The following DDX49 variants were observed in gnomAD, a reference collection of about 807,000 sequenced individuals.
The protein encoded by DDX49 is probable ATP-dependent RNA helicase DDX49.
In DDX49, 50 loss-of-function variants were observed where a neutral mutation model predicts 56.3. The ratio of observed to expected loss-of-function variants is 0.89; its 90% confidence interval spans 0.71 to 1.12. DDX49 has a LOEUF of 1.12. DDX49 is among the 50% of genes most tolerant of loss of function. The pLI is 0.00. For synonymous variants in DDX49, 269 were observed against 270.6 expected (o/e 0.99, Z 0.06); for missense variants, 614 against 650.5 (o/e 0.94, Z 0.61).
rs916625440 is a variant in DDX49, at chr19:18,928,538, C to T, written c.*222C>T. The stretch of plus-strand genomic sequence containing the variant: ...ATTCAGGCTGCAGGGGAAGAAAGAA[C>T]ATGACCGGGAGGTTGTGACCCCAAC... On this transcript the variant is annotated 3_prime_UTR_variant, in exon 13 of 13. Coordinates refer to ENST00000247003, the MANE Select transcript of DDX49 (RefSeq NM_019070.5). The T allele has an allele frequency of 3.6e-5, 20 of 552,140 alleles. No individual in the cohort carries two copies. Among genetic ancestry groups the T allele is most frequent in the Admixed American group, 1.1e-4 (3 of 27,662 alleles). The allele number at this position is 552,140 out of a possible 1,614,324, so 34.2% of individuals were successfully genotyped here. A position where few individuals can be genotyped will look rare whatever the true frequency, so the allele number is the denominator to read the frequency against.
rs562469064 is a variant in DDX49 at position 18,921,914 on chromosome 19, G to A, written c.397G>A (p.Asp133Asn). 5.7e-5 allele frequency: 92 copies of A among 1,613,886 alleles called. 1 individual carries two copies. In the Middle Eastern group the frequency reaches 6.6e-4, roughly 12 times the overall value. ...VVIATPGRLADHLRSSNTFSI... is the reference protein window; with the variant it reads ...VVIATPGRLANHLRSSNTFSI... Reference sequence around the variant, plus strand: ...CATCGCCACGCCGGGGCGCCTGGCAGATCACCTGCGCAGCTCCAACACTTT... The same window carrying A: ...CATCGCCACGCCGGGGCGCCTGGCAAATCACCTGCGCAGCTCCAACACTTT... The change falls in exon 4 of 13, where the codon GAT becomes AAT. Residue 133 changes from aspartate (D) to asparagine (N), a missense_variant. By Grantham distance (23) the Asp-to-Asn change is conservative. Transcript: ENST00000247003.
Position 18,927,781 on chromosome 19 carries a change from A to T in DDX49, c.1118A>T (p.Glu373Val), listed in dbSNP as rs1157249074. The change falls in exon 11 of 13, where the codon GAG becomes GTG. Residue 373 changes from glutamate (E) to valine (V), a missense_variant. By Grantham distance (121) the Glu-to-Val change is moderately radical. Coordinates refer to ENST00000247003, the MANE Select transcript of DDX49 (RefSeq NM_019070.5). ...IEEQIKKKLE[E>V]FSVEEAEVLQ... ...GTCCCCACAGAGAAGAAGCTGGAGG[A>T]GTTCTCCGTGGAAGAGGCCGAGGTG... 2 of 1,613,430 alleles carry T rather than the reference A, an allele frequency of 1.2e-6. No individual in the cohort carries two copies. The highest frequency in any genetic ancestry group is 1.7e-6 in the Non-Finnish European group (2 of 1,179,754).
At position 18,919,761 on chromosome 19, in the gene DDX49, TCGGG is replaced by T. The variant is rs777427855; in HGVS notation, c.22_25del (p.Gly8CysfsTer14). ...ACAAGGATGGCAGGCTTCGCGGAGC[TCGGG>T]CTGTCATCGTGGCTCGTGGAACAAT... On this transcript the variant is annotated frameshift_variant, in exon 1 of 13. Coordinates refer to ENST00000247003, the MANE Select transcript of DDX49 (RefSeq NM_019070.5). LOFTEE classifies it high-confidence loss of function. 1 of 1,610,686 alleles carries T rather than the reference TCGGG, an allele frequency of 6.2e-7. No individual in the cohort carries two copies. Among genetic ancestry groups the T allele is most frequent in the Non-Finnish European group, 8.5e-7 (1 of 1,177,622 alleles).
rs1439920072 is a variant in DDX49 at position 18,919,793 on chromosome 19, C to T, written c.52C>T (p.Arg18Trp). The change falls in exon 1 of 13, where the codon CGG becomes TGG. Residue 18 changes from arginine to tryptophan, a missense_variant. Arg to Trp is a moderately radical substitution (Grantham distance 101, BLOSUM62 -3). Transcript: ENST00000247003. ...GTCATCGTGGCTCGTGGAACAATGTCGGCAGCTGGGTTTGAAGCAGCCCAC... is the reference window on the plus strand; with the variant it reads ...GTCATCGTGGCTCGTGGAACAATGTTGGCAGCTGGGTTTGAAGCAGCCCAC... ...GLSSWLVEQC[R>W]QLGLKQPTPV... 1 of 1,612,800 alleles carries T rather than the reference C, an allele frequency of 6.2e-7. No homozygotes were observed. Among genetic ancestry groups the T allele is most frequent in the South Asian group, 1.1e-5 (1 of 91,078 alleles).
rs2056898039 is a variant in DDX49 at position 18,919,770 on chromosome 19, C to T, written c.29C>T (p.Ser10Leu). ...GCAGGCTTCGCGGAGCTCGGGCTGTCATCGTGGCTCGTGGAACAATGTCGG... is the reference window on the plus strand; with the variant it reads ...GCAGGCTTCGCGGAGCTCGGGCTGTTATCGTGGCTCGTGGAACAATGTCGG... MAGFAELGL[S>L]SWLVEQCRQL... Residue 10 changes from serine (S) to leucine (L), a missense_variant, in exon 1 of 13, where the codon TCA becomes TTA. By Grantham distance (145) the Ser-to-Leu change is moderately radical (BLOSUM62 -2). Transcript: ENST00000247003. The T allele has an allele frequency of 2.5e-6, 4 of 1,612,092 alleles. No individual in the cohort carries two copies. The highest frequency in any genetic ancestry group is 1.3e-5 in the African/African-American group (1 of 75,042).
Position 18,928,422 on chromosome 19 carries a change from C to A in DDX49, c.*106C>A. On this transcript the variant is annotated 3_prime_UTR_variant, in exon 13 of 13. Coordinates refer to ENST00000247003, the MANE Select transcript of DDX49 (RefSeq NM_019070.5). Reference sequence around the variant, plus strand: ...CTTCCCGGGGGCCTACCCAGTGCCCCACAGCAGAACCCGTGGGCGCTCGTG... The same window carrying A: ...CTTCCCGGGGGCCTACCCAGTGCCCAACAGCAGAACCCGTGGGCGCTCGTG... 1.7e-6 allele frequency: 2 copies of A among 1,156,906 alleles called. No homozygotes were observed. The highest frequency in any genetic ancestry group is 3.2e-5 in the South Asian group (2 of 61,744). The allele number at this position is 1,156,906 out of a possible 1,614,324, so 71.7% of individuals were successfully genotyped here.
Position 18,927,570 on chromosome 19 carries a change from C to T in DDX49, c.1103-196C>T, listed in dbSNP as rs571864784. Among the ~76,000 whole-genome samples the T allele has an allele frequency of 3.9e-5, 6 of 152,048 alleles. No individual in the cohort carries two copies. The East Asian group carries it at 7.7e-4, about 20-fold the overall frequency. On this transcript the variant is annotated intron_variant, in intron 10 of 12. Coordinates refer to ENST00000247003, the MANE Select transcript of DDX49 (RefSeq NM_019070.5). The stretch of plus-strand genomic sequence containing the variant: ...GCCACTGCACTCCAGCTTGGGTGAC[C>T]GTGAGACTCTGAAAGACAGCGGTCC...
Position 18,924,976 on chromosome 19 carries a change from G to T in DDX49, c.1024G>T (p.Ala342Ser), listed in dbSNP as rs751859175. ...CCACCGAGTCGGCCGGACGGCCCGT[G>T]CAGGTGAGCAGTGGAGGGGGAGGCC... ...YIHRVGRTAR[A>S]GRQGQAITLV... The change falls in exon 9 of 13, where the codon GCA (alanine) becomes TCA (serine). Residue 342 changes from alanine (A) to serine (S), a missense_variant. Physicochemically the swap from Ala to Ser is moderately conservative, Grantham distance 99 (BLOSUM62 1). Coordinates refer to ENST00000247003, the MANE Select transcript of DDX49 (RefSeq NM_019070.5). 5 of 1,610,076 alleles carry T rather than the reference G, an allele frequency of 3.1e-6. No individual in the cohort carries two copies. The highest frequency in any genetic ancestry group is 1.7e-4 in the Middle Eastern group (1 of 6,054).
At position 18,922,320 on chromosome 19, in the gene DDX49, C is replaced by T. The variant is rs555910898; in HGVS notation, c.448-6C>T. On this transcript the variant is annotated splice_polypyrimidine_tract_variant and splice_region_variant and intron_variant, in intron 4 of 12. Coordinates refer to ENST00000247003, the MANE Select transcript of DDX49 (RefSeq NM_019070.5). ...ACCCTCACCCCTGCCCCCATTGGCA[C>T]GGCAGGTGATGGATGAGGCAGACCG... 18 of 1,609,136 alleles carry T rather than the reference C, an allele frequency of 1.1e-5. No individual in the cohort carries two copies. The highest frequency in any genetic ancestry group is 2.2e-5 in the East Asian group (1 of 44,756).
In DDX49 at chr19:18,922,518, G is replaced by A. The variant is rs1486667665; in HGVS notation, c.635+5G>A. ...CTTCTGGGAAGCACAGGCCCCGTGA[G>A]TCCACAGCCCAGACAGCGTGGGGAG... On this transcript the variant is annotated splice_donor_5th_base_variant and intron_variant, in intron 5 of 12. Coordinates refer to ENST00000247003, the MANE Select transcript of DDX49 (RefSeq NM_019070.5). The A allele has an allele frequency of 1.9e-6, 3 of 1,600,068 alleles. No individual in the cohort carries two copies. The African/African-American group carries it at 4.0e-5, about 21-fold the overall frequency.
At chr19:18,924,463 C>T (rs1028553408) in intron 7 of DDX49, among the ~76,000 whole-genome samples, 155 bp downstream of exon 7, 4 of 152,198 alleles carry the variant, frequency 2.6e-5, no homozygotes, top group African/African-American at 9.7e-5. Flanking sequence ...TCCCTGACCG[C>T]ATCTCTTTTA....
At chr19:18,923,562 G>T (rs556702787) in intron 6 of DDX49, among the ~76,000 whole-genome samples, 4 of 152,222 alleles carry the variant, frequency 2.6e-5, no homozygotes, top group Non-Finnish European at 4.4e-5. Context: ...TGGCTGTCAG[G>T]CGTGGCAGGA....
Position 18,927,070 on chromosome 19 carries a change from C to CAAAAA in DDX49, c.1103-677_1103-673dup, listed in dbSNP as rs35034273. Among the ~76,000 whole-genome samples the CAAAAA allele has an allele frequency of 1.3e-4, 10 of 74,778 alleles. No homozygotes were observed. In the East Asian group the frequency reaches 4.9e-3, roughly 36 times the overall value. 49.1% of individuals were successfully genotyped at this position (74,778 alleles called of 152,430 possible). ...CCTGGGTGACAGTGAGACTCTGTCT[C>CAAAAA]AAAAAAAAAAAAAAAAAAAAAAAGA... On this transcript the variant is annotated intron_variant, in intron 10 of 12. Transcript: ENST00000247003.
In DDX49 at chr19:18,925,799, G is replaced by A. The variant is rs117039640; in HGVS notation, c.1028-504G>A. Among the ~76,000 whole-genome samples, 141 of 152,196 alleles carry A rather than the reference G, an allele frequency of 9.3e-4. 1 individual carries two copies. The East Asian group carries it at 0.019, about 21-fold the overall frequency. On this transcript the variant is annotated intron_variant, in intron 9 of 12. Transcript: ENST00000247003. ...AAGATGTGGTTGCTGGGGTCGGACT[G>A]GGCCTGGACCTTCTATCCTGACCCT...
chr19:18,927,730 T>TG, intron 10 of DDX49, 36 bp from the exon 11 acceptor site: 544 of 1,560,070 alleles, frequency 3.5e-4, no homozygotes, highest in Non-Finnish European at 4.3e-4. Context: ...TCACGTCTCC[T>TG]CCCCACCCCC....
chr19:18,919,904 G>T lies in DDX49; in HGVS notation c.115+48G>T, dbSNP rs369581841. The T allele has an allele frequency of 1.5e-4, 216 of 1,397,026 alleles. No homozygotes were observed. In the African/African-American group the frequency reaches 2.6e-3, roughly 17 times the overall value. 86.5% of individuals were successfully genotyped at this position (1,397,026 alleles called of 1,614,324 possible). On this transcript the variant is annotated intron_variant, in intron 1 of 12. Transcript: ENST00000247003. ...CCCAAGAGGCCTCTCCGCTCCTCTC[G>T]ACTCCTTTCCCTTCTCGCAACCTTT...
intron 10 of DDX49, 70 bp downstream of exon 10, chr19:18,926,447 G>A (rs1040150917): frequency 8.1e-7 from 1 of 1,241,434 alleles, no homozygotes. Flanking sequence ...CTCGGGGTGA[G>A]ACCCATTTTC....
chr19:18,926,485 G>A (rs2301662), intron 10 of DDX49, 108 bp downstream of exon 10: 503,946 of 1,153,208 alleles, frequency 0.44, 116,931 homozygotes, highest in Admixed American at 0.56. Context: ...GCCTGCTCCC[G>A]TGAGCAGATT....
In DDX49 at chr19:18,927,688, A is replaced by T. The variant is rs577274851; in HGVS notation, c.1103-78A>T. ...GCCTTGCATACCCCACAGCATGGGG[A>T]ACTCACTACTTGGCTGAACTCCCTC... On this transcript the variant is annotated intron_variant, in intron 10 of 12. Coordinates refer to ENST00000247003, the MANE Select transcript of DDX49 (RefSeq NM_019070.5). 8 of 1,227,946 alleles carry T rather than the reference A, an allele frequency of 6.5e-6. 2 individuals carry two copies. In the African/African-American group the frequency reaches 1.2e-4, roughly 18 times the overall value. The allele number at this position is 1,227,946 out of a possible 1,614,324, so 76.1% of individuals were successfully genotyped here.
Sources: gnomAD v4.1 joint callset for allele counts (sites outside exome capture counted in the v4.1 genomes callset) on GRCh38, gnomAD v4.1.1 for gene constraint, MANE v1.5 for transcripts, NCBI Gene and HGNC (gene_info 2026-07-23, HGNC 2026-07-21) for gene names.